The following NECTIN3 variants were observed in gnomAD, a reference collection of about 807,000 sequenced individuals.
NECTIN3 encodes nectin-3.
A neutral mutation model predicts 49.4 loss-of-function variants in NECTIN3; 8 were observed. That is an observed-to-expected ratio of 0.16 (90% confidence interval 0.10 to 0.29). The LOEUF (loss-of-function observed/expected upper bound fraction) is 0.29. Among genes scored for constraint, NECTIN3 ranks in the 10% least tolerant of loss-of-function variants. NECTIN3 has a pLI of 1.00. For synonymous variants in NECTIN3, 277 were observed against 241.1 expected, an observed-to-expected ratio of 1.15 and a Z score of -1.38; for missense variants, 581 against 654.6, an observed-to-expected ratio of 0.89 and a Z score of 1.23.
rs530144460 is a variant in NECTIN3, at chr3:111,100,161, C to A, written c.161-11869C>A. Among the ~76,000 whole-genome samples, 3 of 152,080 alleles carry A rather than the reference C, an allele frequency of 2.0e-5. No individual in the cohort carries two copies. The South Asian group carries it at 6.2e-4, about 32-fold the overall frequency. On this transcript the variant is annotated intron_variant, in intron 1 of 5. Transcript: ENST00000485303. The stretch of plus-strand genomic sequence containing the variant: ...TTTAGAGGTGCTTCCTTTGAAACAG[C>A]AAGTTTGAGATTTTTGGATTATTAA...
chr3:111,080,910 G>T (rs116288799), intron 1 of NECTIN3, among the ~76,000 whole-genome samples: 361 of 152,266 alleles, frequency 2.4e-3, no homozygotes, highest in African/African-American at 8.2e-3. Context: ...GTAAGGGCTG[G>T]AAGAGTTAAA....
At chr3:111,120,668 C>A (rs1338468659) in intron 3 of NECTIN3, among the ~76,000 whole-genome samples, 2 of 152,090 alleles carry the variant, frequency 1.3e-5, no homozygotes, top group African/African-American at 4.8e-5. Flanking sequence ...GAGGTAAAGA[C>A]TGATCTGGTC....
At chr3:111,079,474 A>C (rs1361419389) in intron 1 of NECTIN3, among the ~76,000 whole-genome samples, 1 of 152,028 alleles carries the variant, frequency 6.6e-6, no homozygotes, top group African/African-American at 2.4e-5. Context: ...CATTTAATTT[A>C]ATACTAAGCC....
At chr3:111,123,150 A>G (rs1186948343) in intron 4 of NECTIN3, among the ~76,000 whole-genome samples, 1 of 152,070 alleles carries the variant, frequency 6.6e-6, no homozygotes. Context: ...GAATGAGAAG[A>G]TGCTCTTATA....
intron 1 of NECTIN3, among the ~76,000 whole-genome samples, chr3:111,074,733 C>T (rs963302587): frequency 6.6e-6 from 1 of 151,856 alleles, no homozygotes; most frequent in South Asian, 2.1e-4. Context: ...TAAGAGATTC[C>T]TAGGTATAAG....
intron 1 of NECTIN3, among the ~76,000 whole-genome samples, chr3:111,088,569 A>G (rs2032070865): frequency 6.6e-6 from 1 of 152,072 alleles, no homozygotes; most frequent in South Asian, 2.1e-4. Flanking sequence ...CATTTTTTTA[A>G]TAATGTGGTA....
At chr3:111,106,378 T>G (rs764735535) in intron 1 of NECTIN3, among the ~76,000 whole-genome samples, 3 of 152,232 alleles carry the variant, frequency 2.0e-5, no homozygotes, top group Non-Finnish European at 4.4e-5. Flanking sequence ...AATTCCAGAA[T>G]TATCATTTCT....
At chr3:111,118,525 C>CTTAA in intron 2 of NECTIN3, 131 bp from the exon 3 acceptor site, 1 of 805,392 alleles carries the variant, frequency 1.2e-6, no homozygotes, top group Admixed American at 3.4e-5. Context: ...GATGGCATTA[C>CTTAA]CTAAAAAGTG....
chr3:111,089,406 CGTGTGTGT>C (rs139575444), intron 1 of NECTIN3, among the ~76,000 whole-genome samples: 6 of 146,988 alleles, frequency 4.1e-5, no homozygotes, highest in Admixed American at 1.4e-4. Context: ...CAGCCTTTCT[CGTGTGTGT>C]GTGTGTGTGT....
chr3:111,072,550 T>TC lies in NECTIN3; in HGVS notation c.160+376dup, dbSNP rs1192716642. On this transcript the variant is annotated intron_variant, in intron 1 of 5. Transcript: ENST00000485303. ...CGGGATGCACGTTTGCCGCTTTTTT[T>TC]CCCGGTGAAACTTGAGCTGTGAGCC... 5.9e-6 allele frequency: 9 copies of TC among 1,535,656 alleles called. No individual in the cohort carries two copies. In the South Asian group the frequency reaches 9.5e-5, roughly 16 times the overall value.
At chr3:111,168,212 G>T (rs967947028) in intron 7 of NECTIN3, among the ~76,000 whole-genome samples, 3 of 152,178 alleles carry the variant, frequency 2.0e-5, no homozygotes, top group Non-Finnish European at 2.9e-5. Context: ...CAGAGGAGAA[G>T]ATAGAGTCAT....
At chr3:111,115,215 C>G (rs1378154517) in intron 2 of NECTIN3, among the ~76,000 whole-genome samples, 1 of 152,118 alleles carries the variant, frequency 6.6e-6, no homozygotes. Flanking sequence ...GGGAATCACC[C>G]CCTGTTGAGA....
At chr3:111,113,063 A>G (rs932188413) in intron 2 of NECTIN3, among the ~76,000 whole-genome samples, 10 of 152,204 alleles carry the variant, frequency 6.6e-5, no homozygotes, top group African/African-American at 2.4e-4. Context: ...TTCTTACTCA[A>G]ACAGCTACTG....
chr3:111,159,906 C>G (rs2107518988), intron 7 of NECTIN3, among the ~76,000 whole-genome samples: 1 of 152,238 alleles, frequency 6.6e-6, no homozygotes, highest in South Asian at 2.1e-4. Context: ...TTATACATAC[C>G]TTAAATGCTT....
At chr3:111,122,363 TC>T in intron 4 of NECTIN3, 125 bp downstream of exon 4, 1 of 700,882 alleles carries the variant, frequency 1.4e-6, no homozygotes, top group Non-Finnish European at 2.3e-6. Flanking sequence ...AATTAAATTT[TC>T]TGTCTTATCC....
At chr3:111,109,186 C>G (rs910250715) in intron 1 of NECTIN3, among the ~76,000 whole-genome samples, 2 of 151,926 alleles carry the variant, frequency 1.3e-5, no homozygotes, top group Non-Finnish European at 2.9e-5. Flanking sequence ...CATGGGGAGC[C>G]CACCTGTATG....
intron 1 of NECTIN3, chr3:111,193,554 C>T (rs1027874986): frequency 1.6e-5 from 11 of 684,438 alleles, no homozygotes; most frequent in South Asian, 1.5e-4. Context: ...CTTCATTAAG[C>T]GTTTCTTAAC....
chr3:111,122,349 T>C, intron 4 of NECTIN3, 111 bp downstream of exon 4: 2 of 771,934 alleles, frequency 2.6e-6, no homozygotes, highest in Non-Finnish European at 4.0e-6. Flanking sequence ...TAGCAGAAAA[T>C]TTTAATTAAA....
intron 4 of NECTIN3, among the ~76,000 whole-genome samples, chr3:111,123,046 T>A (rs1003522569): frequency 6.6e-6 from 1 of 151,986 alleles, no homozygotes; most frequent in Non-Finnish European, 1.5e-5. Flanking sequence ...AATTTTCCAT[T>A]GACTTAATGA....
Sources: allele counts gnomAD v4.1 joint callset (sites outside exome capture counted in the v4.1 genomes callset), GRCh38; gene constraint gnomAD v4.1.1; transcripts MANE v1.5; gene names NCBI Gene and HGNC (gene_info 2026-07-23, HGNC 2026-07-21).